Variants in MMP14 observed in about 807,000 individuals in gnomAD.
The protein encoded by MMP14 is matrix metallopeptidase 14, also known as matrix metalloproteinase-14.
MMP14 carries 13 observed loss-of-function variants against 64.8 expected under a neutral mutation model. The observed-to-expected ratio is 0.20, with a 90% CI of 0.13 to 0.32. MMP14 has a LOEUF of 0.32. MMP14 is among the 10% of genes least tolerant of loss of function. MMP14 has a pLI of 1.00. For missense variants in MMP14, 594 were observed against 783.8 expected (o/e 0.76, Z 2.89); for synonymous variants, 322 against 315.9 (o/e 1.02, Z -0.20).
At chr14:22,839,521 G>A (rs2039757947) in intron 1 of MMP14, among the ~76,000 whole-genome samples, 1 of 152,234 alleles carries the variant, frequency 6.6e-6, no homozygotes, top group African/African-American at 2.4e-5. Flanking sequence ...TGGTGCTAGG[G>A]TTGTTCTAGC....
intron 1 of MMP14, among the ~76,000 whole-genome samples, chr14:22,839,019 G>A (rs2039754530): frequency 6.6e-6 from 1 of 152,176 alleles, no homozygotes; most frequent in Non-Finnish European, 1.5e-5. Context: ...CGACTCCAGA[G>A]GGGATTTCCC....
intron 1 of MMP14, 48 bp from the exon 2 acceptor site, chr14:22,841,443 C>T: frequency 6.2e-7 from 1 of 1,601,428 alleles, no homozygotes; most frequent in East Asian, 2.2e-5. Flanking sequence ...GTAGAGGCAC[C>T]CTATGGGCCA....
In MMP14 at chr14:22,845,908, G is replaced by A; in HGVS notation, c.1618G>A (p.Ala540Thr). The change falls in exon 10 of 10, where the codon GCT becomes ACT. Residue 540 changes from alanine to threonine, a missense_variant. By Grantham distance (58) the Ala-to-Thr change is moderately conservative. Coordinates refer to ENST00000311852, the MANE Select transcript of MMP14 (RefSeq NM_004995.4). The part of the protein sequence containing the change: ...DEEGGGAVSA[A>T]AVVLPVLLLL... Reference sequence around the variant, plus strand: ...GGAGGGCGGCGGGGCGGTGAGCGCGGCTGCCGTGGTGCTGCCCGTGCTGCT... The same window carrying A: ...GGAGGGCGGCGGGGCGGTGAGCGCGACTGCCGTGGTGCTGCCCGTGCTGCT... 2 of 1,610,200 alleles carry A rather than the reference G, an allele frequency of 1.2e-6. No homozygotes were observed. The highest frequency in any genetic ancestry group is 1.7e-6 in the Non-Finnish European group (2 of 1,178,284).
Position 22,843,135 on chromosome 14 carries a change from G to A in MMP14, c.689-122G>A. 1 of 1,173,870 alleles carries A rather than the reference G, an allele frequency of 8.5e-7. No homozygotes were observed. The highest frequency in any genetic ancestry group is 1.2e-6 in the Non-Finnish European group (1 of 838,662). The allele number at this position is 1,173,870 out of a possible 1,614,324, so 72.7% of individuals were successfully genotyped here. On this transcript the variant is annotated intron_variant, in intron 4 of 9. Coordinates refer to ENST00000311852, the MANE Select transcript of MMP14 (RefSeq NM_004995.4). This position sits in a 1 kb window ranked among gnomAD's most constrained non-coding sequence, Gnocchi z 4.8. ...ATAAAAAGCTAGACCTCAGAATTTGGCCACTTTGGATTGAAAACATGGGCA... is the reference window on the plus strand; with the variant it reads ...ATAAAAAGCTAGACCTCAGAATTTGACCACTTTGGATTGAAAACATGGGCA...
intron 1 of MMP14, among the ~76,000 whole-genome samples, chr14:22,839,332 A>T (rs555581800): frequency 1.3e-5 from 2 of 152,378 alleles, no homozygotes; most frequent in South Asian, 4.1e-4. Context: ...CACAGGCCAC[A>T]GCAGGCCTCC....
At chr14:22,840,409 A>C (rs8012153) in intron 1 of MMP14, among the ~76,000 whole-genome samples, 1,799 of 152,364 alleles carry the variant, frequency 0.012, 29 homozygotes, top group African/African-American at 0.042. Flanking sequence ...TTAAGGCAAT[A>C]TGCCAGCCTT....
chr14:22,841,762 T>C (rs920177683), intron 2 of MMP14, 123 bp downstream of exon 2: 20 of 1,547,516 alleles, frequency 1.3e-5, no homozygotes, highest in Non-Finnish European at 1.7e-5. Context: ...CCCCACGTGC[T>C]GATCCTGACC....
chr14:22,837,592 C>CT (rs551796346), intron 1 of MMP14, among the ~76,000 whole-genome samples: 65 of 152,392 alleles, frequency 4.3e-4, no homozygotes, highest in African/African-American at 1.5e-3. Flanking sequence ...TCCTTGTGAG[C>CT]CGGGCGATCG....
chr14:22,844,480 G>T lies in MMP14; in HGVS notation c.1121G>T (p.Arg374Met). 3 of 1,614,128 alleles carry T rather than the reference G, an allele frequency of 1.9e-6. No homozygotes were observed. Among genetic ancestry groups the T allele is most frequent in the Non-Finnish European group, 2.5e-6 (3 of 1,180,018 alleles). The change falls in exon 7 of 10, where the codon AGG becomes ATG. Residue 374 changes from arginine (R) to methionine (M), a missense_variant. Physicochemically the swap from Arg to Met is moderately conservative, Grantham distance 91 (BLOSUM62 -1). Coordinates refer to ENST00000311852, the MANE Select transcript of MMP14 (RefSeq NM_004995.4). ...GCGTCCATCAACACTGCCTACGAGA[G>T]GAAGGATGGCAAATTCGTCTTCTTC... ...LPASINTAYE[R>M]KDGKFVFFKG... is the part of the protein sequence containing the mutation.
At chr14:22,839,595 T>TTTG (rs1566480661) in intron 1 of MMP14, among the ~76,000 whole-genome samples, 1 of 151,958 alleles carries the variant, frequency 6.6e-6, no homozygotes, top group Admixed American at 6.6e-5. Context: ...GCATCAGCCT[T>TTTG]GGGGGGGGAT....
Position 22,844,457 on chromosome 14 carries a change from G to A in MMP14, c.1098G>A (p.Ala366=), listed in dbSNP as rs761376538. The A allele has an allele frequency of 1.5e-5, 24 of 1,614,000 alleles. No individual in the cohort carries two copies. Among genetic ancestry groups the A allele is most frequent in the East Asian group, 4.5e-5 (2 of 44,880 alleles). ...GCCAGTTCTGGCGGGGCCTGCCTGC[G>A]TCCATCAACACTGCCTACGAGAGGA... is the stretch of plus-strand genomic sequence containing the variant. ...PIGQFWRGLP[A]SINTAYERKD... Residue 366 remains alanine (A), a synonymous_variant, in exon 7 of 10, where the codon GCG becomes GCA. Coordinates refer to ENST00000311852, the MANE Select transcript of MMP14 (RefSeq NM_004995.4).
intron 6 of MMP14, 88 bp from the exon 7 acceptor site, chr14:22,844,283 C>G (rs948320773): frequency 1.3e-6 from 2 of 1,555,196 alleles, no homozygotes; most frequent in African/African-American, 2.7e-5. Context: ...AACTGAGGAA[C>G]AAACAGCAGT....
intron 1 of MMP14, among the ~76,000 whole-genome samples, chr14:22,839,598 G>C (rs372364088): frequency 2.0e-5 from 3 of 152,330 alleles, no homozygotes; most frequent in African/African-American, 4.8e-5. Context: ...TCAGCCTTGG[G>C]GGGGGATCAC....
At chr14:22,840,955 C>T (rs1168652582) in intron 1 of MMP14, among the ~76,000 whole-genome samples, 1 of 152,226 alleles carries the variant, frequency 6.6e-6, no homozygotes, top group Non-Finnish European at 1.5e-5. Flanking sequence ...TAGCAGCCAG[C>T]CTTAGCTCTA....
At chr14:22,837,461 G>A (rs1214090197) in intron 1 of MMP14, 10 of 453,220 alleles carry the variant, frequency 2.2e-5, no homozygotes, top group Non-Finnish European at 3.6e-5. Flanking sequence ...GTGGACGGCC[G>A]AGCGTCCAGG....
chr14:22,837,697 G>T (rs1468005541), intron 1 of MMP14, among the ~76,000 whole-genome samples: 2 of 152,252 alleles, frequency 1.3e-5, no homozygotes, highest in South Asian at 4.1e-4. Context: ...CAGGGAGCCT[G>T]GGGGCGTCGC....
At position 22,841,992 on chromosome 14, in the gene MMP14, G is replaced by A. The variant is rs140660438; in HGVS notation, c.337G>A (p.Ala113Thr). 8.7e-6 allele frequency: 14 copies of A among 1,614,220 alleles called. No individual in the cohort carries two copies. Among genetic ancestry groups the A allele is most frequent in the Middle Eastern group, 3.3e-4 (2 of 6,062 alleles). ...IKANVRRKRY[A>T]IQGLKWQHNE... ...GGCCAATGTTCGAAGGAAGCGCTAC[G>A]CCATCCAGGGTCTCAAATGGCAACA... The change falls in exon 3 of 10, where the codon GCC (alanine) becomes ACC (threonine). Residue 113 changes from alanine (A) to threonine (T), a missense_variant. Ala to Thr is a moderately conservative substitution (Grantham distance 58). Coordinates refer to ENST00000311852, the MANE Select transcript of MMP14 (RefSeq NM_004995.4).
chr14:22,837,403 T>G (rs1167269375), intron 1 of MMP14: 1 of 455,678 alleles, frequency 2.2e-6, no homozygotes, highest in Admixed American at 2.4e-5. Flanking sequence ...CCTCCCCGGG[T>G]GGCCCAGGCC....
chr14:22,843,067 C>T lies in MMP14; in HGVS notation c.689-190C>T, dbSNP rs1293766367. Reference sequence around the variant, plus strand: ...CTGCTTCCAAGCACTCTCTCACCTCCACCCAGAGGAGCTTGCTGACTGGCT... The same window carrying T: ...CTGCTTCCAAGCACTCTCTCACCTCTACCCAGAGGAGCTTGCTGACTGGCT... On this transcript the variant is annotated intron_variant, in intron 4 of 9. Transcript: ENST00000311852. The surrounding 1 kb of genome is among the most constrained non-coding windows in gnomAD (Gnocchi z 4.8). Among the ~76,000 whole-genome samples the T allele has an allele frequency of 6.6e-6, 1 of 152,232 alleles. No homozygotes were observed. The highest frequency in any genetic ancestry group is 1.5e-5 in the Non-Finnish European group (1 of 68,048).
Sources: gnomAD v4.1 joint callset for allele counts (sites outside exome capture counted in the v4.1 genomes callset) on GRCh38, gnomAD v4.1.1 for gene constraint, Gnocchi (gnomAD v3.1) non-coding constraint, MANE v1.5 for transcripts, NCBI Gene and HGNC (gene_info 2026-07-23, HGNC 2026-07-21) for gene names.